The following TM4SF4 variants were observed in gnomAD, a reference collection of about 807,000 sequenced individuals.
The protein encoded by TM4SF4 is transmembrane 4 L6 family member 4.
A neutral mutation model predicts 24.1 loss-of-function variants in TM4SF4; 24 were observed. The observed-to-expected ratio is 1.00, with a 90% CI of 0.72 to 1.40. The LOEUF (loss-of-function observed/expected upper bound fraction) is 1.40. Among genes scored for constraint, TM4SF4 ranks in the 40% most tolerant of loss-of-function variants. The pLI is 0.00. For missense variants in TM4SF4, 254 were observed against 254.2 expected (o/e 1.00, Z 0.01); for synonymous variants, 113 against 97.0 (o/e 1.17, Z -0.97).
chr3:149,496,708 C>T (rs1251742139), intron 3 of TM4SF4, among the ~76,000 whole-genome samples: 1 of 152,060 alleles, frequency 6.6e-6, no homozygotes, highest in Non-Finnish European at 1.5e-5. Context: ...GCACAGGTTG[C>T]AGTGAGCCGA....
chr3:149,489,199 A>G (rs35551531), intron 3 of TM4SF4, among the ~76,000 whole-genome samples: 61,997 of 152,014 alleles, frequency 0.41, 13,161 homozygotes, highest in Non-Finnish European at 0.47. Flanking sequence ...CTTGAGCATC[A>G]AACTCAGATC....
intron 2 of TM4SF4, among the ~76,000 whole-genome samples, chr3:149,478,100 G>A (rs1349493341): frequency 6.6e-6 from 1 of 152,194 alleles, no homozygotes; most frequent in Admixed American, 6.5e-5. Context: ...TTTAAAATCA[G>A]ATGTAAATGA....
Position 149,498,752 on chromosome 3 carries a change from C to T in TM4SF4, c.432C>T (p.Asn144=), listed in dbSNP as rs1248284422. The T allele has an allele frequency of 6.2e-7, 1 of 1,613,994 alleles. No individual in the cohort carries two copies. The highest frequency in any genetic ancestry group is 1.1e-5 in the South Asian group (1 of 91,082). The part of the protein sequence containing the change: ...GDYLNDEALW[N]KCREPLNVVP... ...ATCTCAATGATGAGGCCTTATGGAA[C>T]AAGTGCCGAGAGCCTCTCAATGTGG... is the stretch of plus-strand genomic sequence containing the variant. Residue 144 remains asparagine, a synonymous_variant, in exon 4 of 5, where the codon AAC becomes AAT. Transcript: ENST00000305354.
chr3:149,479,940 G>T (rs1423080555), intron 2 of TM4SF4, among the ~76,000 whole-genome samples: 1 of 152,176 alleles, frequency 6.6e-6, no homozygotes, highest in Non-Finnish European at 1.5e-5. Flanking sequence ...AGGATGTGGT[G>T]GCTGCAGAGA....
intron 2 of TM4SF4, among the ~76,000 whole-genome samples, chr3:149,487,117 T>C (rs1734130170): frequency 6.6e-6 from 1 of 152,038 alleles, no homozygotes; most frequent in Non-Finnish European, 1.5e-5. Flanking sequence ...TAGCCAGGCA[T>C]GGTGGCGCAC....
intron 2 of TM4SF4, among the ~76,000 whole-genome samples, chr3:149,484,276 A>G (rs897655582): frequency 1.3e-5 from 2 of 152,184 alleles, no homozygotes; most frequent in Non-Finnish European, 2.9e-5. Flanking sequence ...ATCAATTCTC[A>G]TAAGACAAAG....
intron 3 of TM4SF4, among the ~76,000 whole-genome samples, chr3:149,493,522 C>G (rs1208527356): frequency 6.6e-6 from 1 of 152,144 alleles, no homozygotes; most frequent in East Asian, 1.9e-4. Flanking sequence ...GAAGGTTACT[C>G]TATGCCAAGC....
Position 149,476,526 on chromosome 3 carries a change from T to C in TM4SF4, c.264+614T>C, listed in dbSNP as rs72996024. On this transcript the variant is annotated intron_variant, in intron 2 of 4. Coordinates refer to ENST00000305354, the MANE Select transcript of TM4SF4 (RefSeq NM_004617.4). ...TTCCAGAGTGCAGTGGAAAGAATGCTGGGACATGGGGACAGGACCCATTCT... is the reference window on the plus strand; with the variant it reads ...TTCCAGAGTGCAGTGGAAAGAATGCCGGGACATGGGGACAGGACCCATTCT... Among the ~76,000 whole-genome samples, 1,030 of 152,304 alleles carry C rather than the reference T, an allele frequency of 6.8e-3. 7 individuals are homozygous for C. The highest frequency in any genetic ancestry group is 0.023 in the African/African-American group (938 of 41,562).
chr3:149,493,422 T>G (rs554804708), intron 3 of TM4SF4, among the ~76,000 whole-genome samples: 1 of 152,366 alleles, frequency 6.6e-6, no homozygotes, highest in East Asian at 1.9e-4. Flanking sequence ...CAGACAGACC[T>G]AAGTTCAAAC....
intron 2 of TM4SF4, among the ~76,000 whole-genome samples, chr3:149,486,025 T>A (rs370342450): frequency 3.9e-5 from 6 of 152,136 alleles, no homozygotes; most frequent in Admixed American, 3.9e-4. Context: ...AAAGACTTTT[T>A]TTAAAAGTTG....
intron 2 of TM4SF4, among the ~76,000 whole-genome samples, chr3:149,480,247 T>A (rs1173903657): frequency 6.6e-6 from 1 of 152,190 alleles, no homozygotes; most frequent in Non-Finnish European, 1.5e-5. Context: ...TCTTGCCCTC[T>A]AATCCTTCTA....
chr3:149,487,543 G>C (rs1734139776), intron 2 of TM4SF4, 76 bp from the exon 3 acceptor site: 5 of 1,554,400 alleles, frequency 3.2e-6, no homozygotes, highest in Non-Finnish European at 4.4e-6. Flanking sequence ...ATGTTCAACA[G>C]CAGGTGGATT....
At chr3:149,477,435 A>G (rs1380831929) in intron 2 of TM4SF4, among the ~76,000 whole-genome samples, 1 of 152,256 alleles carries the variant, frequency 6.6e-6, no homozygotes, top group Non-Finnish European at 1.5e-5. Context: ...TAATGAATTA[A>G]CCACATTTAC....
intron 3 of TM4SF4, among the ~76,000 whole-genome samples, chr3:149,493,905 A>G (rs1289338847): frequency 6.6e-6 from 1 of 152,212 alleles, no homozygotes; most frequent in East Asian, 1.9e-4. Context: ...GCGCCAGCAA[A>G]GCATTCGTAT....
At chr3:149,483,049 C>T (rs1037171544) in intron 2 of TM4SF4, among the ~76,000 whole-genome samples, 1 of 152,080 alleles carries the variant, frequency 6.6e-6, no homozygotes, top group Non-Finnish European at 1.5e-5. Context: ...CCAAGACCCC[C>T]CTCCTTCATA....
At position 149,479,615 on chromosome 3, in the gene TM4SF4, C is replaced by T. The variant is rs147695157; in HGVS notation, c.264+3703C>T. Among the ~76,000 whole-genome samples the T allele has an allele frequency of 4.6e-3, 701 of 152,266 alleles. 9 individuals carry two copies. The highest frequency in any genetic ancestry group is 0.016 in the African/African-American group (669 of 41,544). Reference sequence around the variant, plus strand: ...ACTGCTGAAGTTCTGAATTATTTTCCAAAGGCTCACGCATTCCCCTCCAGG... The same window carrying T: ...ACTGCTGAAGTTCTGAATTATTTTCTAAAGGCTCACGCATTCCCCTCCAGG... On this transcript the variant is annotated intron_variant, in intron 2 of 4. Coordinates refer to ENST00000305354, the MANE Select transcript of TM4SF4 (RefSeq NM_004617.4).
intron 4 of TM4SF4, among the ~76,000 whole-genome samples, chr3:149,501,987 C>T (rs1254714797): frequency 6.6e-6 from 1 of 152,184 alleles, no homozygotes; most frequent in Non-Finnish European, 1.5e-5. Context: ...CTATTAATAC[C>T]TACTCCTACG....
chr3:149,499,755 G>A (rs558364072), intron 4 of TM4SF4, among the ~76,000 whole-genome samples: 17 of 152,192 alleles, frequency 1.1e-4, no homozygotes, highest in South Asian at 2.1e-4. Flanking sequence ...CATGCCTGTA[G>A]CTCCAGCTAC....
Position 149,474,755 on chromosome 3 carries a change from C to A in TM4SF4, c.-123C>A. ...AGTTCACAGAAATTTGGTTCTCAGC[C>A]CCAAAATACTGATTGAATTGGAGAC... On this transcript the variant is annotated 5_prime_UTR_variant, in exon 1 of 5. Coordinates refer to ENST00000305354, the MANE Select transcript of TM4SF4 (RefSeq NM_004617.4). 9.1e-7 allele frequency: 1 copy of A among 1,095,888 alleles called. No homozygotes were observed. Among genetic ancestry groups the A allele is most frequent in the Non-Finnish European group, 1.3e-6 (1 of 788,080 alleles). 67.9% of individuals were successfully genotyped at this position (1,095,888 alleles called of 1,614,324 possible).
Sources: gnomAD v4.1 joint callset for allele counts (sites outside exome capture counted in the v4.1 genomes callset) on GRCh38, gnomAD v4.1.1 for gene constraint, MANE v1.5 for transcripts, NCBI Gene and HGNC (gene_info 2026-07-23, HGNC 2026-07-21) for gene names.